Variants in DYSF observed in about 807,000 individuals in gnomAD.
The protein encoded by DYSF is dystrophy-associated fer-1-like 1.
Under a neutral mutation model 274.9 loss-of-function variants are expected in DYSF, and 212 were observed. The observed-to-expected ratio is 0.77, with a 90% CI of 0.69 to 0.86. DYSF has a LOEUF of 0.86. Ranked by LOEUF, DYSF falls within the 40% of genes least tolerant of loss-of-function variation. The pLI, the probability that DYSF is intolerant of heterozygous loss-of-function variation, is 0.00. For missense variants in DYSF, 2,666 were observed against 2,783.2 expected, an observed-to-expected ratio of 0.96 and a Z score of 0.95; for synonymous variants, 1,091 against 1,078.7, an observed-to-expected ratio of 1.01 and a Z score of -0.22.
chr2:71,629,556 G>A (rs1179545762), intron 41 of DYSF, among the ~76,000 whole-genome samples: 3 of 152,108 alleles, frequency 2.0e-5, no homozygotes, highest in Admixed American at 2.0e-4. Context: ...CTTTTAGAGA[G>A]GATATGTGTT....
At chr2:71,611,185 G>C in intron 36 of DYSF, 60 bp from the exon 37 acceptor site, 2 of 1,259,178 alleles carry the variant, frequency 1.6e-6, no homozygotes, top group African/African-American at 3.0e-5. Context: ...CTTCTCTCTT[G>C]TCTTTTTGCC....
rs2092361815 is a variant in DYSF at position 71,570,597 on chromosome 2, A to G, written c.3086-2A>G. 3.1e-6 allele frequency: 5 copies of G among 1,613,594 alleles called. No homozygotes were observed. The highest frequency in any genetic ancestry group is 4.2e-6 in the Non-Finnish European group (5 of 1,179,828). On this transcript the variant is annotated splice_acceptor_variant, in intron 28 of 55. Transcript: ENST00000410020. LOFTEE classifies it high-confidence loss of function. ...ATGAGTGACCGGTTCCCCCTCCCCC[A>G]GGCTGGGAGTATAGCATCACCATCC... is the stretch of plus-strand genomic sequence containing the variant.
intron 40 of DYSF, among the ~76,000 whole-genome samples, chr2:71,619,866 C>T (rs906780025): frequency 1.3e-5 from 2 of 152,190 alleles, no homozygotes; most frequent in African/African-American, 2.4e-5. Flanking sequence ...CTGAGGCCCT[C>T]CTCAGGCTGC....
chr2:71,550,418 G>A (rs773233710), intron 17 of DYSF, among the ~76,000 whole-genome samples: 1 of 151,708 alleles, frequency 6.6e-6, no homozygotes, highest in Non-Finnish European at 1.5e-5. Flanking sequence ...CAATGTGTGT[G>A]TGGGGAGGAG....
intron 17 of DYSF, among the ~76,000 whole-genome samples, chr2:71,548,263 C>G (rs957334076): frequency 1.3e-5 from 2 of 152,180 alleles, no homozygotes; most frequent in African/African-American, 4.8e-5. Flanking sequence ...TCTCTCTTCT[C>G]CACTCTTTCT....
chr2:71,682,387 G>T (rs886968340), intron 54 of DYSF, 143 bp from the exon 55 acceptor site: 9 of 985,564 alleles, frequency 9.1e-6, no homozygotes, highest in African/African-American at 1.6e-5. Context: ...AGGTGCAAAG[G>T]GCTAGTTTAG....
At chr2:71,634,271 A>C (rs965876453) in intron 41 of DYSF, among the ~76,000 whole-genome samples, 2 of 152,258 alleles carry the variant, frequency 1.3e-5, no homozygotes, top group Admixed American at 1.3e-4. Context: ...GCCATGTTCC[A>C]AAACTGGATG....
At chr2:71,559,291 T>TA (rs2091559309) in intron 22 of DYSF, among the ~76,000 whole-genome samples, 1 of 152,162 alleles carries the variant, frequency 6.6e-6, no homozygotes, top group African/African-American at 2.4e-5. Flanking sequence ...TTTTCCTGGG[T>TA]CCCCAGAATC....
Position 71,674,586 on chromosome 2 carries a change from G to A in DYSF, c.5884+290G>A, listed in dbSNP as rs534042034. On this transcript the variant is annotated intron_variant, in intron 52 of 55. Transcript: ENST00000410020. ...TCAGATATGTAAGTAAGCGAGGGACGCAAGTGTGTGCTGCCTGTCGCCAGC... is the reference window on the plus strand; with the variant it reads ...TCAGATATGTAAGTAAGCGAGGGACACAAGTGTGTGCTGCCTGTCGCCAGC... Among the ~76,000 whole-genome samples, 4 of 152,350 alleles carry A rather than the reference G, an allele frequency of 2.6e-5. No homozygotes were observed. In the South Asian group the frequency reaches 6.2e-4, roughly 24 times the overall value.
At chr2:71,623,884 C>T (rs920745441) in intron 41 of DYSF, among the ~76,000 whole-genome samples, 6 of 151,980 alleles carry the variant, frequency 3.9e-5, no homozygotes, top group Admixed American at 2.6e-4. Flanking sequence ...GCCTGGGCAG[C>T]ATAGTGAAAC....
chr2:71,486,471 C>T (rs1292854316), intron 3 of DYSF, among the ~76,000 whole-genome samples: 6 of 152,136 alleles, frequency 3.9e-5, no homozygotes, highest in East Asian at 1.9e-4. Context: ...CCATCCTCAC[C>T]GCCACTGTCC....
rs745611908 is a variant in DYSF, at chr2:71,656,302, A to G, written c.4755+12A>G. ...TTGGTGAATTTAAGGTAAATCCTCG[A>G]AGACGTCCCTAACCCAGGTGGGCCT... On this transcript the variant is annotated intron_variant, in intron 43 of 55. Transcript: ENST00000410020. 26 of 1,613,516 alleles carry G rather than the reference A, an allele frequency of 1.6e-5. No individual in the cohort carries two copies. The South Asian group carries it at 2.5e-4, about 16-fold the overall frequency.
intron 1 of DYSF, among the ~76,000 whole-genome samples, chr2:71,456,887 C>T (rs1408541034): frequency 6.6e-6 from 1 of 152,104 alleles, no homozygotes; most frequent in Non-Finnish European, 1.5e-5. Flanking sequence ...GGCACCAGGG[C>T]ACTCGGACCT....
intron 4 of DYSF, among the ~76,000 whole-genome samples, chr2:71,504,217 A>C (rs1423929187): frequency 6.6e-6 from 1 of 152,072 alleles, no homozygotes; most frequent in African/African-American, 2.4e-5. Context: ...GGGGGCCTGG[A>C]CCAGGAGCTC....
At chr2:71,575,041 C>G (rs966394805) in intron 30 of DYSF, among the ~76,000 whole-genome samples, 3 of 152,176 alleles carry the variant, frequency 2.0e-5, no homozygotes, top group Non-Finnish European at 4.4e-5. Flanking sequence ...TGAAATCCAG[C>G]CAGGACTGGC....
intron 30 of DYSF, among the ~76,000 whole-genome samples, chr2:71,581,183 A>G (rs1231296453): frequency 1.3e-5 from 2 of 152,038 alleles, no homozygotes; most frequent in Admixed American, 6.5e-5. Flanking sequence ...ATGTGGAGAC[A>G]TGGAAACCCT....
At chr2:71,653,620 T>C (rs1397632012) in intron 42 of DYSF, among the ~76,000 whole-genome samples, 3 of 127,310 alleles carry the variant, frequency 2.4e-5, no homozygotes, top group Non-Finnish European at 4.6e-5. Context: ...TGAGATCACA[T>C]GGACACAGGA....
rs1331824855 is a variant in DYSF at position 71,481,919 on chromosome 2, G to A, written c.188G>A (p.Gly63Asp). 5.0e-6 allele frequency: 8 copies of A among 1,614,076 alleles called. No individual in the cohort carries two copies. The highest frequency in any genetic ancestry group is 6.8e-6 in the Non-Finnish European group (8 of 1,180,042). Residue 63 changes from glycine (G) to aspartate (D), a missense_variant, in exon 3 of 56, where the codon GGC becomes GAC. By Grantham distance (94) the Gly-to-Asp change is moderately conservative. Transcript: ENST00000410020. ...CTCAAGGGCATCCCCCTGGACCAGG[G>A]CTCTGAGCTTCATGTGGTGGTCAAA... ...WDLKGIPLDQGSELHVVVKDH... is the reference protein window; with the variant it reads ...WDLKGIPLDQDSELHVVVKDH...
chr2:71,520,920 T>G lies in DYSF; in HGVS notation c.1149+16T>G. On this transcript the variant is annotated intron_variant, in intron 12 of 55. Coordinates refer to ENST00000410020, the MANE Select transcript of DYSF (RefSeq NM_001130987.2). ...CGAAGCGCCTGTGAGTACATTTCCC[T>G]GGGTCTTCCTTACGGTCCCCCACGC... 5 of 1,612,756 alleles carry G rather than the reference T, an allele frequency of 3.1e-6. No homozygotes were observed. The highest frequency in any genetic ancestry group is 4.2e-6 in the Non-Finnish European group (5 of 1,178,798).
Sources: allele counts gnomAD v4.1 joint callset (sites outside exome capture counted in the v4.1 genomes callset), GRCh38; gene constraint gnomAD v4.1.1; transcripts MANE v1.5; gene names NCBI Gene and HGNC (gene_info 2026-07-23, HGNC 2026-07-21).